Variants in ARL15 observed in about 807,000 individuals in gnomAD.
The protein encoded by ARL15 is ADP-ribosylation factor-like protein 15.
In ARL15, 19 loss-of-function variants were observed where a neutral mutation model predicts 25.2. The observed-to-expected ratio is 0.75, with a 90% CI of 0.53 to 1.10. The LOEUF (loss-of-function observed/expected upper bound fraction) is 1.10, where lower values mean the gene tolerates loss of function less well. ARL15 is among the 50% of genes least tolerant of loss of function. The pLI, the probability that ARL15 is intolerant of heterozygous loss-of-function variation, is 0.00. For missense variants in ARL15, 220 were observed against 246.0 expected, an observed-to-expected ratio of 0.89 and a Z score of 0.71; for synonymous variants, 94 against 86.8, an observed-to-expected ratio of 1.08 and a Z score of -0.46.
At chr5:53,897,147 A>T (rs1247924398) in intron 4 of ARL15, among the ~76,000 whole-genome samples, 1 of 152,240 alleles carries the variant, frequency 6.6e-6, no homozygotes, top group Non-Finnish European at 1.5e-5. Flanking sequence ...AGTTGCTTTT[A>T]GTATATTCAT....
chr5:54,069,307 ACGC>A (rs1285637766), intron 4 of ARL15, among the ~76,000 whole-genome samples: 1 of 152,184 alleles, frequency 6.6e-6, no homozygotes, highest in Non-Finnish European at 1.5e-5. Flanking sequence ...TCAGTGGCTC[ACGC>A]CTATAATCCT....
intron 4 of ARL15, among the ~76,000 whole-genome samples, chr5:53,889,869 AT>A (rs1340559686): frequency 6.7e-6 from 1 of 150,002 alleles, no homozygotes; most frequent in African/African-American, 2.5e-5. Flanking sequence ...CTGAAGTGCA[AT>A]GGCGCAGTCT....
intron 4 of ARL15, among the ~76,000 whole-genome samples, chr5:53,893,694 G>A (rs768677738): frequency 5.3e-5 from 8 of 152,112 alleles, no homozygotes; most frequent in African/African-American, 1.9e-4. Context: ...TTGCAAAAGG[G>A]CCCTCCAGCT....
At chr5:53,979,081 C>T (rs747410856) in intron 4 of ARL15, among the ~76,000 whole-genome samples, 5 of 152,140 alleles carry the variant, frequency 3.3e-5, no homozygotes, top group African/African-American at 4.8e-5. Context: ...TACTCCTGAG[C>T]GCTACCTGTT....
chr5:54,132,311 T>C (rs1401501249), intron 3 of ARL15, among the ~76,000 whole-genome samples: 1 of 152,074 alleles, frequency 6.6e-6, no homozygotes, highest in Non-Finnish European at 1.5e-5. Context: ...AATATATTTA[T>C]GCATTTAATA....
intron 4 of ARL15, among the ~76,000 whole-genome samples, chr5:54,017,256 T>C (rs1244499800): frequency 1.3e-5 from 2 of 152,194 alleles, no homozygotes; most frequent in African/African-American, 4.8e-5. Context: ...TTCACTCACA[T>C]GCAAACATGT....
Position 53,886,704 on chromosome 5 carries a change from AT to A in ARL15, c.471del (p.Lys157AsnfsTer27). The A allele has an allele frequency of 3.9e-6, 6 of 1,552,684 alleles. No homozygotes were observed. Among genetic ancestry groups the A allele is most frequent in the Admixed American group, 2.0e-5 (1 of 49,662 alleles). ...PAARSVQEIK[K>X]YFELEPLARG... ...CGTGCAAGTGGTTCAAGTTCAAAAT[AT>A]TTTTTGATCTTAAGAGGAAAAAATA... On this transcript the variant is annotated frameshift_variant, in exon 5 of 5. Coordinates refer to ENST00000504924, the MANE Select transcript of ARL15 (RefSeq NM_019087.3). LOFTEE classifies it high-confidence loss of function.
chr5:54,134,319 G>GGAAA (rs775094804), intron 3 of ARL15, among the ~76,000 whole-genome samples: 3 of 152,076 alleles, frequency 2.0e-5, no homozygotes, highest in Non-Finnish European at 4.4e-5. Context: ...AGTATCCTTG[G>GGAAA]GAAAGAAAGA....
chr5:53,956,006 T>C (rs1421578132), intron 4 of ARL15, among the ~76,000 whole-genome samples: 2 of 152,120 alleles, frequency 1.3e-5, no homozygotes, highest in Non-Finnish European at 2.9e-5. Context: ...TTGTTGTCGT[T>C]GTTTTGAGAA....
intron 2 of ARL15, among the ~76,000 whole-genome samples, chr5:54,165,747 T>A (rs1483234441): frequency 6.6e-6 from 1 of 150,682 alleles, no homozygotes; most frequent in Non-Finnish European, 1.5e-5. Context: ...TTTATATATA[T>A]ATATATAAAT....
At chr5:54,059,702 C>A (rs1326432566) in intron 4 of ARL15, among the ~76,000 whole-genome samples, 4 of 152,174 alleles carry the variant, frequency 2.6e-5, no homozygotes, top group Non-Finnish European at 4.4e-5. Context: ...TAGTAATGTA[C>A]AACCTACTTT....
At chr5:53,936,492 G>T (rs958038737) in intron 4 of ARL15, among the ~76,000 whole-genome samples, 1 of 152,192 alleles carries the variant, frequency 6.6e-6, no homozygotes, top group Non-Finnish European at 1.5e-5. Flanking sequence ...AATTGCAGGG[G>T]TTGGACTAAC....
At chr5:54,146,470 G>T (rs1753915512) in intron 3 of ARL15, among the ~76,000 whole-genome samples, 1 of 152,202 alleles carries the variant, frequency 6.6e-6, no homozygotes, top group Non-Finnish European at 1.5e-5. Context: ...ATATCCCATG[G>T]CTTGTTTTGT....
At chr5:54,138,502 A>G (rs1365291698) in intron 3 of ARL15, among the ~76,000 whole-genome samples, 2 of 152,162 alleles carry the variant, frequency 1.3e-5, no homozygotes, top group East Asian at 3.9e-4. Flanking sequence ...CTACCTCTCC[A>G]CTTACACAAA....
chr5:54,209,406 A>G (rs1277119983), intron 1 of ARL15, among the ~76,000 whole-genome samples: 1 of 152,060 alleles, frequency 6.6e-6, no homozygotes, highest in Admixed American at 6.6e-5. Context: ...GAAGTTAGAG[A>G]GGGCATTTGA....
intron 1 of ARL15, among the ~76,000 whole-genome samples, chr5:54,260,653 T>C (rs755891206): frequency 6.6e-6 from 1 of 152,204 alleles, no homozygotes; most frequent in Non-Finnish European, 1.5e-5. Context: ...AAATTCTTTA[T>C]ATAATGCATA....
chr5:54,251,249 A>G (rs1579952430), intron 1 of ARL15, among the ~76,000 whole-genome samples: 2 of 152,346 alleles, frequency 1.3e-5, no homozygotes, highest in South Asian at 2.1e-4. Context: ...TAAGGTGGCC[A>G]AACAACTCTT....
At chr5:54,274,888 T>A (rs1405967089) in intron 1 of ARL15, among the ~76,000 whole-genome samples, 1 of 152,108 alleles carries the variant, frequency 6.6e-6, no homozygotes, top group Non-Finnish European at 1.5e-5. Flanking sequence ...AGCAAGATTC[T>A]GTCTCAAAAA....
chr5:54,043,361 C>T (rs1214280668), intron 4 of ARL15, among the ~76,000 whole-genome samples: 1 of 152,164 alleles, frequency 6.6e-6, no homozygotes, highest in East Asian at 1.9e-4. Context: ...CTCAATAAGG[C>T]TCTGAGTGAA....
Sources: gnomAD v4.1 joint callset for allele counts (sites outside exome capture counted in the v4.1 genomes callset) on GRCh38, gnomAD v4.1.1 for gene constraint, MANE v1.5 for transcripts, NCBI Gene and HGNC (gene_info 2026-07-23, HGNC 2026-07-21) for gene names.